GSE1: variants seen among roughly 807,000 people sequenced by gnomAD.
The protein encoded by GSE1 is Gse1 coiled-coil protein.
A neutral mutation model predicts 112.6 loss-of-function variants in GSE1; 32 were observed. The ratio of observed to expected loss-of-function variants is 0.28; its 90% CI spans 0.21 to 0.38. The LOEUF (loss-of-function observed/expected upper bound fraction) is 0.38, where lower values mean the gene tolerates loss of function less well. Among genes scored for constraint, GSE1 ranks in the 10% least tolerant of loss-of-function variants. The pLI, the probability that GSE1 is intolerant of heterozygous loss-of-function variation, is 1.00. For synonymous variants in GSE1, 1,115 were observed against 735.6 expected (o/e 1.52, Z -8.35); for missense variants, 2,348 against 1,699.2 (o/e 1.38, Z -6.71).
chr16:85,364,136 G>T (rs76469831), intron 2 of GSE1, among the ~76,000 whole-genome samples: 5,333 of 152,308 alleles, frequency 0.035, 325 homozygotes, highest in African/African-American at 0.12. Flanking sequence ...GGCTCCAGGG[G>T]AGAATCTGTT....
intron 1 of GSE1, among the ~76,000 whole-genome samples, chr16:85,248,277 C>T (rs1906082081): frequency 1.3e-5 from 2 of 152,148 alleles, no homozygotes; most frequent in African/African-American, 4.8e-5. Context: ...CTTCTCTGAC[C>T]GTTTGTCTTC....
intron 1 of GSE1, among the ~76,000 whole-genome samples, chr16:85,178,368 G>A (rs1470093111): frequency 6.6e-6 from 1 of 152,108 alleles, no homozygotes. Flanking sequence ...CCAGAAGAGG[G>A]GACGGGCACG....
At chr16:85,524,095 C>T (rs2052283199) in intron 2 of GSE1, among the ~76,000 whole-genome samples, 1 of 152,194 alleles carries the variant, frequency 6.6e-6, no homozygotes, top group African/African-American at 2.4e-5. Flanking sequence ...CCTCTGACTT[C>T]CGGGGCCCAG....
intron 1 of GSE1, among the ~76,000 whole-genome samples, chr16:85,633,693 G>T (rs1436273288): frequency 6.6e-6 from 1 of 152,182 alleles, no homozygotes; most frequent in Non-Finnish European, 1.5e-5. Context: ...TGGGGTCCTG[G>T]GGGCCTCTTG....
intron 1 of GSE1, among the ~76,000 whole-genome samples, chr16:85,178,696 G>C (rs1283816679): frequency 6.6e-6 from 1 of 151,988 alleles, no homozygotes; most frequent in African/African-American, 2.4e-5. Flanking sequence ...CTGTGTCCCA[G>C]GCACTGTTCT....
At chr16:85,668,856 C>G (rs993341210) in intron 14 of GSE1, among the ~76,000 whole-genome samples, 1 of 152,234 alleles carries the variant, frequency 6.6e-6, no homozygotes, top group Non-Finnish European at 1.5e-5. Context: ...GCTCTGTGGC[C>G]GGTGGGTGCC....
chr16:85,462,469 G>C (rs1167894064), intron 2 of GSE1, among the ~76,000 whole-genome samples: 1 of 151,884 alleles, frequency 6.6e-6, no homozygotes, highest in Non-Finnish European at 1.5e-5. Context: ...CAGTGCCCAG[G>C]TCTGGGGAGC....
At chr16:85,367,408 C>T (rs2047206771) in intron 2 of GSE1, among the ~76,000 whole-genome samples, 1 of 152,228 alleles carries the variant, frequency 6.6e-6, no homozygotes, top group Non-Finnish European at 1.5e-5. Flanking sequence ...GGGGGCATAG[C>T]AGGGCACACA....
intron 2 of GSE1, among the ~76,000 whole-genome samples, chr16:85,400,160 A>C (rs1390889685): frequency 6.6e-6 from 1 of 152,214 alleles, no homozygotes; most frequent in Non-Finnish European, 1.5e-5. Flanking sequence ...AAAAAAACGG[A>C]GAATGATCCG....
intron 2 of GSE1, among the ~76,000 whole-genome samples, chr16:85,635,637 A>G (rs934850802): frequency 2.6e-5 from 4 of 152,108 alleles, no homozygotes; most frequent in Admixed American, 6.5e-5. Flanking sequence ...CTGCTGCTGC[A>G]GTTGTCTTTT....
intron 1 of GSE1, among the ~76,000 whole-genome samples, chr16:85,248,715 G>A (rs564412393): frequency 3.2e-4 from 49 of 152,308 alleles, no homozygotes; most frequent in Non-Finnish European, 5.7e-4. Context: ...AAGCAGGGAG[G>A]GGGGTGCTGG....
At chr16:85,482,741 G>A (rs2050719177) in intron 2 of GSE1, among the ~76,000 whole-genome samples, 1 of 152,214 alleles carries the variant, frequency 6.6e-6, no homozygotes, top group Admixed American at 6.5e-5. Context: ...ACTTTGGGAG[G>A]CCAAGGAGGG....
chr16:85,645,359 C>T (rs2050767650), intron 2 of GSE1, among the ~76,000 whole-genome samples: 3 of 152,012 alleles, frequency 2.0e-5, no homozygotes, highest in South Asian at 2.1e-4. Context: ...CGCTCTGGGG[C>T]GTGGCCGATC....
At chr16:85,603,300 A>T (rs1178989992) in intron 1 of GSE1, among the ~76,000 whole-genome samples, 2 of 152,148 alleles carry the variant, frequency 1.3e-5, no homozygotes, top group African/African-American at 4.8e-5. Flanking sequence ...CCGAGTGGGG[A>T]AAGTTCCCTG....
At chr16:85,291,489 C>T (rs1311121762) in intron 1 of GSE1, among the ~76,000 whole-genome samples, 1 of 152,242 alleles carries the variant, frequency 6.6e-6, no homozygotes, top group Non-Finnish European at 1.5e-5. Context: ...CCGGCCCCCG[C>T]GTGAGCCCTG....
chr16:85,318,364 A>G (rs1286259548), intron 1 of GSE1, among the ~76,000 whole-genome samples: 2 of 152,150 alleles, frequency 1.3e-5, no homozygotes, highest in African/African-American at 4.8e-5. Context: ...CCTGGGGTCA[A>G]GTGATCATCC....
chr16:85,507,849 CTT>C (rs2051591156), intron 2 of GSE1, among the ~76,000 whole-genome samples: 1 of 152,194 alleles, frequency 6.6e-6, no homozygotes, highest in South Asian at 2.1e-4. Context: ...CATTTTCCCT[CTT>C]TTTCAATTTG....
chr16:85,641,724 T>C (rs2050465647), intron 2 of GSE1, among the ~76,000 whole-genome samples: 1 of 152,246 alleles, frequency 6.6e-6, no homozygotes, highest in Admixed American at 6.5e-5. Context: ...GCTGATTGGC[T>C]CTTTCCTCTG....
intron 2 of GSE1, among the ~76,000 whole-genome samples, chr16:85,450,475 A>G (rs561403137): frequency 2.7e-5 from 4 of 149,896 alleles, no homozygotes; most frequent in African/African-American, 4.9e-5. Flanking sequence ...TTTGAGACAG[A>G]GTCGCACTCT....
Sources: gnomAD v4.1 joint callset for allele counts (sites outside exome capture counted in the v4.1 genomes callset) on GRCh38, gnomAD v4.1.1 for gene constraint, MANE v1.5 for transcripts, NCBI Gene and HGNC (gene_info 2026-07-23, HGNC 2026-07-21) for gene names.